HS6ST2: variants seen among roughly 807,000 people sequenced by gnomAD.
HS6ST2 encodes heparan sulfate 6-O-sulfotransferase 2.
In HS6ST2, 17 loss-of-function variants were observed where a neutral mutation model predicts 33.0. The observed-to-expected ratio is 0.52, with a 90% CI of 0.35 to 0.77. The LOEUF is 0.77. Among genes scored for constraint, HS6ST2 ranks in the 30% least tolerant of loss-of-function variants. The probability of loss-of-function intolerance (pLI) is 0.01; values close to 1 mark genes in which losing one functional copy is unlikely to be tolerated. For synonymous variants in HS6ST2, 248 were observed against 237.1 expected (o/e 1.05, Z -0.42); for missense variants, 519 against 551.7 (o/e 0.94, Z 0.59).
At chrX:132,750,660 T>A (rs752748834) in intron 2 of HS6ST2, among the ~76,000 whole-genome samples, 1 of 111,941 alleles carries the variant, frequency 8.9e-6, no homozygotes, top group Non-Finnish European at 1.9e-5. Context: ...CATAATGTTG[T>A]CTACAGAAGA....
chrX:132,765,592 C>T (rs1451777023), intron 2 of HS6ST2, among the ~76,000 whole-genome samples: 1 of 110,711 alleles, frequency 9.0e-6, no homozygotes. Context: ...GAGTAGCTGG[C>T]ACCACGGGCA....
intron 2 of HS6ST2, among the ~76,000 whole-genome samples, chrX:132,748,178 T>C (rs1222138157): frequency 1.8e-5 from 2 of 111,513 alleles, no homozygotes; most frequent in Non-Finnish European, 3.8e-5. Flanking sequence ...AATTCCAACC[T>C]GCCAAGCAGG....
At chrX:132,727,772 TTAAG>T (rs2064410312) in intron 2 of HS6ST2, among the ~76,000 whole-genome samples, 1 of 111,501 alleles carries the variant, frequency 9.0e-6, no homozygotes, top group Admixed American at 9.5e-5. Flanking sequence ...CTTGTACCCA[TTAAG>T]TAAAGTAGTC....
chrX:132,771,703 G>A lies in HS6ST2; in HGVS notation c.948-63209C>T, dbSNP rs183389840. On this transcript the variant is annotated intron_variant, in intron 2 of 4. Transcript: ENST00000370833. Reference sequence around the variant, plus strand: ...GCTTGGGCCCCAGGAATCCCTGCTCGCATGGGAAGCCTTAGGAATAGAAAA... The same window carrying A: ...GCTTGGGCCCCAGGAATCCCTGCTCACATGGGAAGCCTTAGGAATAGAAAA... Among the ~76,000 whole-genome samples the A allele has an allele frequency of 1.6e-3, 178 of 111,770 alleles. 2 individuals are homozygous for A. The highest frequency in any genetic ancestry group is 4.3e-3 in the African/African-American group (133 of 30,878).
chrX:132,910,916 G>A (rs888328115), intron 2 of HS6ST2, among the ~76,000 whole-genome samples: 2 of 111,318 alleles, frequency 1.8e-5, no homozygotes, highest in African/African-American at 6.5e-5. Flanking sequence ...TTGGGAGGCC[G>A]AGGCGGGTGG....
chrX:132,795,136 A>G (rs896992584), intron 2 of HS6ST2, among the ~76,000 whole-genome samples: 1 of 110,926 alleles, frequency 9.0e-6, no homozygotes, highest in Non-Finnish European at 1.9e-5. Flanking sequence ...CTTCCACTTC[A>G]CTGAGACTGA....
At chrX:132,841,583 G>T (rs1324882986) in intron 2 of HS6ST2, among the ~76,000 whole-genome samples, 7 of 111,828 alleles carry the variant, frequency 6.3e-5, no homozygotes, top group Non-Finnish European at 1.3e-4. Context: ...AACCAAAAGG[G>T]TGCTGGCAGC....
At chrX:132,644,366 C>T (rs767681541) in intron 4 of HS6ST2, among the ~76,000 whole-genome samples, 1 of 111,041 alleles carries the variant, frequency 9.0e-6, no homozygotes, top group South Asian at 3.8e-4. Context: ...ATGAAGTATA[C>T]AGGACAAGAT....
At chrX:132,881,839 A>T (rs1465462830) in intron 2 of HS6ST2, among the ~76,000 whole-genome samples, 23 of 112,070 alleles carry the variant, frequency 2.1e-4, no homozygotes, top group Non-Finnish European at 1.9e-5. Flanking sequence ...AGCTTTCTAC[A>T]TATGGCTAGC....
intron 3 of HS6ST2, among the ~76,000 whole-genome samples, chrX:132,700,519 T>C (rs1306900994): frequency 1.8e-5 from 2 of 108,604 alleles, no homozygotes; most frequent in Admixed American, 9.8e-5. Context: ...CTCCATTTTA[T>C]GTGCACATAA....
intron 2 of HS6ST2, among the ~76,000 whole-genome samples, chrX:132,832,843 T>C (rs1209444080): frequency 9.0e-6 from 1 of 111,720 alleles, no homozygotes; most frequent in Non-Finnish European, 1.9e-5. Context: ...ATACAACACA[T>C]CCATGTAAAG....
At chrX:132,907,583 C>T (rs2066486722) in intron 2 of HS6ST2, 1 of 111,990 alleles carries the variant, frequency 8.9e-6, no homozygotes, top group East Asian at 2.8e-4. Flanking sequence ...CATCATGCCA[C>T]CATCACTGAG....
chrX:132,697,441 G>A (rs1480941250), intron 3 of HS6ST2, among the ~76,000 whole-genome samples: 1 of 111,964 alleles, frequency 8.9e-6, no homozygotes, highest in Non-Finnish European at 1.9e-5. Flanking sequence ...AATCGGTCTG[G>A]TTCTACATTC....
chrX:132,732,015 C>T (rs1215109946), intron 2 of HS6ST2, among the ~76,000 whole-genome samples: 2 of 111,739 alleles, frequency 1.8e-5, no homozygotes, highest in Non-Finnish European at 1.9e-5. Flanking sequence ...TACAGGCAAA[C>T]GATGGCAATC....
At chrX:132,889,320 T>G (rs1356782236) in intron 2 of HS6ST2, among the ~76,000 whole-genome samples, 2 of 111,290 alleles carry the variant, frequency 1.8e-5, no homozygotes, top group African/African-American at 6.5e-5. Context: ...AAGAATGATA[T>G]AAGATTATGG....
chrX:132,870,161 T>A (rs1464860300), intron 2 of HS6ST2, among the ~76,000 whole-genome samples: 1 of 110,958 alleles, frequency 9.0e-6, no homozygotes, highest in Non-Finnish European at 1.9e-5. Context: ...TGAACTCCCA[T>A]TCACAATTGC....
At chrX:132,706,578 G>A (rs1234256502) in intron 3 of HS6ST2, among the ~76,000 whole-genome samples, 2 of 111,944 alleles carry the variant, frequency 1.8e-5, no homozygotes, top group East Asian at 2.8e-4. Context: ...AATTAGTATC[G>A]CTGTTAATTG....
chrX:132,661,021 G>C (rs916984308), intron 4 of HS6ST2, among the ~76,000 whole-genome samples: 4 of 111,478 alleles, frequency 3.6e-5, no homozygotes, highest in Non-Finnish European at 7.5e-5. Context: ...ATCAGTTGTT[G>C]TGAGAACTCA....
intron 2 of HS6ST2, among the ~76,000 whole-genome samples, chrX:132,931,535 C>A (rs1706622397): frequency 9.0e-6 from 1 of 111,571 alleles, no homozygotes; most frequent in Non-Finnish European, 1.9e-5. Flanking sequence ...ATACTGACTC[C>A]ATGAATACCC....
Sources: gnomAD v4.1 joint callset for allele counts (sites outside exome capture counted in the v4.1 genomes callset) on GRCh38, gnomAD v4.1.1 for gene constraint, MANE v1.5 for transcripts, NCBI Gene and HGNC (gene_info 2026-07-23, HGNC 2026-07-21) for gene names.